CCDC3: variants seen among roughly 807,000 people sequenced by gnomAD.
CCDC3 encodes the protein coiled-coil domain-containing protein 3.
A neutral mutation model predicts 21.4 loss-of-function variants in CCDC3; 24 were observed. The observed-to-expected ratio is 1.12, with a 90% CI of 0.81 to 1.58. CCDC3 has a LOEUF of 1.58. Among genes scored for constraint, CCDC3 ranks in the 40% most tolerant of loss-of-function variants. CCDC3 has a pLI of 0.00. For missense variants in CCDC3, 425 were observed against 360.9 expected, an observed-to-expected ratio of 1.18 and a Z score of -1.44; for synonymous variants, 186 against 166.0, an observed-to-expected ratio of 1.12 and a Z score of -0.93.
intron 2 of CCDC3, among the ~76,000 whole-genome samples, chr10:12,988,708 A>G (rs1307007420): frequency 6.6e-6 from 1 of 152,200 alleles, no homozygotes; most frequent in African/African-American, 2.4e-5. Flanking sequence ...GGACTGATAC[A>G]TTCATTGATG....
chr10:13,007,848 A>G (rs942897994), intron 5 of CCDC3, among the ~76,000 whole-genome samples: 1 of 152,114 alleles, frequency 6.6e-6, no homozygotes, highest in South Asian at 2.1e-4. Context: ...CTTCCTGAAA[A>G]ACTCCACTCT....
At chr10:12,990,351 G>A (rs1835662982) in intron 2 of CCDC3, among the ~76,000 whole-genome samples, 1 of 151,746 alleles carries the variant, frequency 6.6e-6, no homozygotes, top group Admixed American at 6.6e-5. Context: ...ATACATGCAA[G>A]TGTGAAGAAA....
chr10:13,032,807 A>G (rs945949536), intron 5 of CCDC3, among the ~76,000 whole-genome samples: 7 of 152,122 alleles, frequency 4.6e-5, no homozygotes, highest in African/African-American at 1.7e-4. Flanking sequence ...CCTCTTCAAG[A>G]AGAACTACAA....
At chr10:12,985,424 G>A (rs950074481) in intron 2 of CCDC3, among the ~76,000 whole-genome samples, 4 of 152,134 alleles carry the variant, frequency 2.6e-5, no homozygotes, top group African/African-American at 9.7e-5. Context: ...GGGACTCTTG[G>A]GCATTTATAA....
chr10:13,083,981 A>G (rs1021988530), intron 3 of CCDC3, among the ~76,000 whole-genome samples: 2 of 152,226 alleles, frequency 1.3e-5, no homozygotes, highest in Admixed American at 6.5e-5. Context: ...GGTACCAAGG[A>G]ACAAGCATTC....
chr10:12,921,031 CT>C (rs1380913066), intron 2 of CCDC3, among the ~76,000 whole-genome samples: 1 of 152,178 alleles, frequency 6.6e-6, no homozygotes, highest in Non-Finnish European at 1.5e-5. Context: ...GAACAACTGC[CT>C]TCCAACTACT....
At chr10:12,972,544 G>A (rs1434050314) in intron 2 of CCDC3, among the ~76,000 whole-genome samples, 3 of 152,174 alleles carry the variant, frequency 2.0e-5, no homozygotes, top group Admixed American at 6.5e-5. Context: ...GGCCAGGCAC[G>A]ATGGCATATG....
chr10:12,979,637 G>C (rs1310995602), intron 2 of CCDC3, among the ~76,000 whole-genome samples: 1 of 152,028 alleles, frequency 6.6e-6, no homozygotes, highest in Non-Finnish European at 1.5e-5. Context: ...CTCCCAAAGT[G>C]CTAAGATTAC....
intron 2 of CCDC3, among the ~76,000 whole-genome samples, chr10:12,988,058 C>G (rs1835625043): frequency 6.6e-6 from 1 of 152,202 alleles, no homozygotes; most frequent in African/African-American, 2.4e-5. Flanking sequence ...CAATGGCTCC[C>G]CAAATCACAA....
At chr10:13,023,042 G>A (rs78260926) in intron 5 of CCDC3, among the ~76,000 whole-genome samples, 2 of 150,320 alleles carry the variant, frequency 1.3e-5, no homozygotes, top group Admixed American at 1.3e-4. Context: ...CAAACTACTG[G>A]GGAAAAATTA....
intron 2 of CCDC3, among the ~76,000 whole-genome samples, chr10:12,947,320 G>C (rs1220547434): frequency 1.3e-5 from 2 of 151,824 alleles, no homozygotes; most frequent in African/African-American, 2.4e-5. Context: ...GCTAATTTTT[G>C]TATTTTCAGT....
At chr10:13,077,813 A>G (rs1001682294) in intron 3 of CCDC3, among the ~76,000 whole-genome samples, 3 of 152,266 alleles carry the variant, frequency 2.0e-5, no homozygotes, top group Non-Finnish European at 4.4e-5. Flanking sequence ...CATATGTAGA[A>G]AGCTGAAACT....
At chr10:13,077,637 CA>C (rs200059438) in intron 3 of CCDC3, among the ~76,000 whole-genome samples, 112,272 of 151,034 alleles carry the variant, frequency 0.74, 42,115 homozygotes, top group Middle Eastern at 0.82. Context: ...ACCAAAACAG[CA>C]CAGTACTGGT....
At chr10:13,024,824 A>G (rs1368851463) in intron 5 of CCDC3, among the ~76,000 whole-genome samples, 1 of 152,152 alleles carries the variant, frequency 6.6e-6, no homozygotes, top group Non-Finnish European at 1.5e-5. Context: ...TACCAAGGCA[A>G]CCGTTCTGTT....
intron 2 of CCDC3, among the ~76,000 whole-genome samples, chr10:12,986,963 T>C (rs1835605528): frequency 6.6e-6 from 1 of 152,122 alleles, no homozygotes; most frequent in Non-Finnish European, 1.5e-5. Context: ...TCACAAATCC[T>C]GACCCCTCCT....
At chr10:12,927,905 A>G (rs1234051871) in intron 2 of CCDC3, among the ~76,000 whole-genome samples, 1 of 152,252 alleles carries the variant, frequency 6.6e-6, no homozygotes, top group Non-Finnish European at 1.5e-5. Flanking sequence ...CAAACTACAT[A>G]CACAGTCCAG....
At chr10:13,065,121 ATGTC>A (rs1431653539) in intron 4 of CCDC3, among the ~76,000 whole-genome samples, 1 of 152,208 alleles carries the variant, frequency 6.6e-6, no homozygotes, top group Non-Finnish European at 1.5e-5. Context: ...TAAAAATAGT[ATGTC>A]TAAGTAGAAG....
rs745620218 is a variant in CCDC3, at chr10:12,998,497, A to G, written c.390T>C (p.Tyr130=). The stretch of plus-strand genomic sequence containing the variant: ...AATTGACTCCGTGAGGCAAGAGGTT[A>G]TAATTTTCATCCATCCTAATGGAGG... The part of the protein sequence containing the change: ...YFFFLRMDEN[Y]NLLPHGVNFQ... Residue 130 remains tyrosine, a synonymous_variant, in exon 2 of 3, where the codon TAT becomes TAC. Transcript: ENST00000378825. The G allele has an allele frequency of 6.2e-7, 1 of 1,614,118 alleles. No individual in the cohort carries two copies. The highest frequency in any genetic ancestry group is 1.7e-5 in the Admixed American group (1 of 60,006).
chr10:13,043,595 AAAAAT>A (rs1370395774), intron 5 of CCDC3, among the ~76,000 whole-genome samples: 26 of 152,206 alleles, frequency 1.7e-4, no homozygotes, highest in Non-Finnish European at 7.3e-5. Context: ...CTTTGTCTCA[AAAAAT>A]AAAATAAAAT....
Sources: allele counts gnomAD v4.1 joint callset (sites outside exome capture counted in the v4.1 genomes callset), GRCh38; gene constraint gnomAD v4.1.1; transcripts MANE v1.5; gene names NCBI Gene and HGNC (gene_info 2026-07-23, HGNC 2026-07-21).